The following MDC1 variants were observed in gnomAD, a reference collection of about 807,000 sequenced individuals.
The protein encoded by MDC1 is mediator of DNA damage checkpoint protein 1.
In MDC1, 81 loss-of-function variants were observed where a neutral mutation model predicts 142.5. That is an observed-to-expected ratio of 0.57 (90% CI 0.47 to 0.68). The LOEUF (loss-of-function observed/expected upper bound fraction) is 0.68. MDC1 is among the 30% of genes least tolerant of loss of function. MDC1 has a pLI of 0.00. For synonymous variants in MDC1, 797 were observed against 968.4 expected (o/e 0.82, Z 3.29); for missense variants, 2,119 against 2,547.9 (o/e 0.83, Z 3.62).
chr6:30,705,299 G>A lies in MDC1; in HGVS notation c.3884C>T (p.Thr1295Ile). Reference sequence around the variant, plus strand: ...GGGGGTGACAGGTCGGTCTGTGGAGGTGGAAGGCCGGAGCTCAGGGGCTGT... The same window carrying A: ...GGGGGTGACAGGTCGGTCTGTGGAGATGGAAGGCCGGAGCTCAGGGGCTGT... ...VPTAPELRPS[T>I]STDRPVTPKP... Residue 1295 changes from threonine (T) to isoleucine (I), a missense_variant, in exon 10 of 15, where the codon ACC becomes ATC. Coordinates refer to ENST00000376406, the MANE Select transcript of MDC1 (RefSeq NM_014641.3). 3.1e-6 allele frequency: 5 copies of A among 1,603,418 alleles called. No individual in the cohort carries two copies. Among genetic ancestry groups the A allele is most frequent in the Non-Finnish European group, 4.3e-6 (5 of 1,175,654 alleles).
rs61748586 is a variant in MDC1 at position 30,712,944 on chromosome 6, G to T, written c.998C>A (p.Ala333Glu). The T allele has an allele frequency of 1.4e-5, 22 of 1,612,834 alleles. No homozygotes were observed. Among genetic ancestry groups the T allele is most frequent in the East Asian group, 1.3e-4 (6 of 44,888 alleles). ...PFGFIDSDTD[A>E]EEERIPATPV... ...GGTTGCTGGGATCCTCTCTTCTTCC[G>T]CATCAGTGTCGCTGTCGATGAAGCC... Residue 333 changes from alanine (A) to glutamate (E), a missense_variant, in exon 5 of 15, where the codon GCG becomes GAG. Transcript: ENST00000376406. This position sits in a 1 kb window ranked among gnomAD's most constrained non-coding sequence, Gnocchi z 4.7.
At chr6:30,708,399 G>C in intron 7 of MDC1, 42 bp from the exon 8 acceptor site, 1 of 1,520,912 alleles carries the variant, frequency 6.6e-7, no homozygotes, top group Non-Finnish European at 9.0e-7. Flanking sequence ...GAGAGGGAGA[G>C]AAAAGAGGGA....
chr6:30,700,194 TAAG>T lies in MDC1; in HGVS notation c.*268_*270del, dbSNP rs1477146069. On this transcript the variant is annotated 3_prime_UTR_variant, in exon 15 of 15. Transcript: ENST00000376406. ...AAAATGGCCATTTAATACATGCATG[TAAG>T]AAATCTTGTATCCCCTAAATCTATA... The T allele has an allele frequency of 1.2e-5, 4 of 345,354 alleles. No individual in the cohort carries two copies. Among genetic ancestry groups the T allele is most frequent in the Non-Finnish European group, 2.1e-5 (4 of 193,418 alleles). 21.4% of individuals were successfully genotyped at this position (345,354 alleles called of 1,614,324 possible).
Position 30,704,941 on chromosome 6 carries a change from G to A in MDC1, c.4242C>T (p.Leu1414=), listed in dbSNP as rs74590481. The part of the protein sequence containing the change: ...PETLVPTAPK[L]EPSTSTDQPV... ...GTTGGTCTGTGGAAGTGGAAGGCTC[G>A]AGCTTAGGGGCTGTGGGGACAAGTG... The change falls in exon 10 of 15, where the codon CTC becomes CTT. Residue 1414 remains leucine, a synonymous_variant. Transcript: ENST00000376406. 12,576 of 1,605,732 alleles carry A rather than the reference G, an allele frequency of 7.8e-3. 292 individuals carry two copies. The highest frequency in any genetic ancestry group is 0.073 in the East Asian group (3,233 of 44,558).
At chr6:30,702,496 G>C in intron 14 of MDC1, 57 bp downstream of exon 14, 1 of 1,350,208 alleles carries the variant, frequency 7.4e-7, no homozygotes, top group Non-Finnish European at 1.0e-6. Context: ...TGCCATTCCA[G>C]CCACCTCTTT....
chr6:30,707,496 G>T (rs369113103), intron 8 of MDC1, 42 bp from the exon 9 acceptor site: 3 of 1,612,862 alleles, frequency 1.9e-6, no homozygotes, highest in Non-Finnish European at 2.5e-6. Flanking sequence ...GTTCCAAGCA[G>T]CTGGTTGCCC....
chr6:30,709,162 G>A lies in MDC1; in HGVS notation c.2222-805C>T, dbSNP rs537982233. On this transcript the variant is annotated intron_variant, in intron 7 of 14. Coordinates refer to ENST00000376406, the MANE Select transcript of MDC1 (RefSeq NM_014641.3). This position sits in a 1 kb window ranked among gnomAD's most constrained non-coding sequence, Gnocchi z 4.2. ...AGATCCTCCCACCTCAGCCTCCCAA[G>A]TAGCTGGGACTACGGCATGTGCCAA... Among the ~76,000 whole-genome samples, 9 of 152,332 alleles carry A rather than the reference G, an allele frequency of 5.9e-5. No homozygotes were observed. Among genetic ancestry groups the A allele is most frequent in the Non-Finnish European group, 7.3e-5 (5 of 68,032 alleles).
Position 30,713,682 on chromosome 6 carries a change from T to C in MDC1, c.553A>G (p.Arg185Gly). The C allele has an allele frequency of 6.2e-7, 1 of 1,614,238 alleles. No homozygotes were observed. The highest frequency in any genetic ancestry group is 1.1e-5 in the South Asian group (1 of 91,080). The part of the protein sequence containing the change: ...LSERRMVKKS[R>G]TTSSSVIVPE... ...ACTATCACAGAGGAAGATGTGGTCC[T>C]TGATTTTTTTACCATACGCCTTTCA... The change falls in exon 4 of 15, where the codon AGG becomes GGG. Residue 185 changes from arginine to glycine, a missense_variant. Transcript: ENST00000376406. The surrounding 1 kb of genome is among the most constrained non-coding windows in gnomAD (Gnocchi z 4.9).
At position 30,712,692 on chromosome 6, in the gene MDC1, G is replaced by A. The variant is rs771893736; in HGVS notation, c.1250C>T (p.Ala417Val). The change falls in exon 5 of 15, where the codon GCA becomes GTA. Residue 417 changes from alanine to valine, a missense_variant. Physicochemically the swap from Ala to Val is moderately conservative, Grantham distance 64. Transcript: ENST00000376406. The surrounding 1 kb of genome is among the most constrained non-coding windows in gnomAD (Gnocchi z 4.7). ...AGCAGGCTGGCTCTCTTTCAGATGTGCCAAAGTCAGCGCTGCTGAGACTTC... is the reference window on the plus strand; with the variant it reads ...AGCAGGCTGGCTCTCTTTCAGATGTACCAAAGTCAGCGCTGCTGAGACTTC... ...EEEVSAALTL[A>V]HLKESQPAIW... 1.2e-6 allele frequency: 2 copies of A among 1,612,984 alleles called. No homozygotes were observed. The highest frequency in any genetic ancestry group is 1.7e-6 in the Non-Finnish European group (2 of 1,180,004).
Position 30,705,923 on chromosome 6 carries a change from T to C in MDC1, c.3260A>G (p.Gln1087Arg). The C allele has an allele frequency of 1.2e-6, 2 of 1,613,856 alleles. No individual in the cohort carries two copies. Among genetic ancestry groups the C allele is most frequent in the Non-Finnish European group, 1.7e-6 (2 of 1,179,890 alleles). ...TVRKTRQDGSQEAPEAPLSSE... is the reference protein window; with the variant it reads ...TVRKTRQDGSREAPEAPLSSE... ...GGACAAGGGAGCCTCTGGAGCTTCCTGACTCCCATCTTGCCTGGTCTTACG... is the reference window on the plus strand; with the variant it reads ...GGACAAGGGAGCCTCTGGAGCTTCCCGACTCCCATCTTGCCTGGTCTTACG... The change falls in exon 10 of 15, where the codon CAG becomes CGG. Residue 1087 changes from glutamine to arginine, a missense_variant. Coordinates refer to ENST00000376406, the MANE Select transcript of MDC1 (RefSeq NM_014641.3).
rs767533594 is a variant in MDC1, at chr6:30,703,891, A to C, written c.5292T>G (p.Ala1764=). 1 of 1,614,152 alleles carries C rather than the reference A, an allele frequency of 6.2e-7. No individual in the cohort carries two copies. The highest frequency in any genetic ancestry group is 8.5e-7 in the Non-Finnish European group (1 of 1,180,032). The change falls in exon 10 of 15, where the codon GCT becomes GCG. Residue 1764 remains alanine, a synonymous_variant. Coordinates refer to ENST00000376406, the MANE Select transcript of MDC1 (RefSeq NM_014641.3). This position sits in a 1 kb window ranked among gnomAD's most constrained non-coding sequence, Gnocchi z 4.4. ...GCTCAGGAATGGCTGTAAGGGATTC[A>C]GCTGCTCTCACTGCTCCCCATCTTT... is the stretch of plus-strand genomic sequence containing the variant. The part of the protein sequence containing the change: ...RNQRWGAVRA[A]ESLTAIPEPA...
chr6:30,705,635 G>A lies in MDC1; in HGVS notation c.3548C>T (p.Thr1183Ile). ...TTTTCTTCCCCTAGTAACCTGAGAT[G>A]TGGGCTCAGAGGTGACAGGCTGGTC... ...STDQPVTSEP[T>I]SQVTRGRKSR... Residue 1183 changes from threonine (T) to isoleucine (I), a missense_variant, in exon 10 of 15, where the codon ACA (threonine) becomes ATA (isoleucine). By Grantham distance (89) the Thr-to-Ile change is moderately conservative. Coordinates refer to ENST00000376406, the MANE Select transcript of MDC1 (RefSeq NM_014641.3). 8 of 1,605,002 alleles carry A rather than the reference G, an allele frequency of 5.0e-6. No homozygotes were observed. Among genetic ancestry groups the A allele is most frequent in the Non-Finnish European group, 6.8e-6 (8 of 1,175,902 alleles).
At chr6:30,706,406 G>T (rs9501483) in intron 9 of MDC1, among the ~76,000 whole-genome samples, 7,324 of 151,992 alleles carry the variant, frequency 0.048, 351 homozygotes, top group African/African-American at 0.12. Flanking sequence ...TGGATCACAA[G>T]GTCAGGAAAC....
In MDC1 at chr6:30,699,959, G is replaced by C. The variant is rs1772369659; in HGVS notation, c.*506C>G. 4.4e-6 allele frequency: 1 copy of C among 226,218 alleles called. No homozygotes were observed. Among genetic ancestry groups the C allele is most frequent in the South Asian group, 1.8e-4 (1 of 5,478 alleles). 14.0% of individuals were successfully genotyped at this position (226,218 alleles called of 1,614,324 possible). Reference sequence around the variant, plus strand: ...GGCCAGGAGAGAAGAAAATGTTTTAGTAGCACTCCATAACTGGACCCTCAA... The same window carrying C: ...GGCCAGGAGAGAAGAAAATGTTTTACTAGCACTCCATAACTGGACCCTCAA... On this transcript the variant is annotated 3_prime_UTR_variant, in exon 15 of 15. Transcript: ENST00000376406.
At position 30,700,636 on chromosome 6, in the gene MDC1, G is replaced by C. The variant is rs779205557; in HGVS notation, c.6103-4C>G. ...ATGTGATCACAACTCTCTGAGGCTG[G>C]GGAAGACAGAGCAAAGGCAAAATCA... On this transcript the variant is annotated splice_polypyrimidine_tract_variant and splice_region_variant and intron_variant, in intron 14 of 14. Coordinates refer to ENST00000376406, the MANE Select transcript of MDC1 (RefSeq NM_014641.3). 1 of 1,612,628 alleles carries C rather than the reference G, an allele frequency of 6.2e-7. No homozygotes were observed. The highest frequency in any genetic ancestry group is 1.1e-5 in the South Asian group (1 of 91,066).
intron 14 of MDC1, among the ~76,000 whole-genome samples, chr6:30,701,084 A>G (rs1336231365): frequency 7.0e-6 from 1 of 143,882 alleles, no homozygotes; most frequent in Non-Finnish European, 1.5e-5. Context: ...CAAAAGAAAA[A>G]AAAAAAGAAA....
At position 30,704,331 on chromosome 6, in the gene MDC1, C is replaced by T. The variant is rs1310547294; in HGVS notation, c.4852G>A (p.Glu1618Lys). 2 of 1,613,334 alleles carry T rather than the reference C, an allele frequency of 1.2e-6. No individual in the cohort carries two copies. Among genetic ancestry groups the T allele is most frequent in the African/African-American group, 1.3e-5 (1 of 74,774 alleles). Residue 1618 changes from glutamate (E) to lysine (K), a missense_variant, in exon 10 of 15, where the codon GAG becomes AAG. By Grantham distance (56) the Glu-to-Lys change is moderately conservative (BLOSUM62 1). Transcript: ENST00000376406. ...TCTGTGGAGGTGGTAGGATGGGGCTCAGGGGCTGTGGGGACAACTGGCTCA... is the reference window on the plus strand; with the variant it reads ...TCTGTGGAGGTGGTAGGATGGGGCTTAGGGGCTGTGGGGACAACTGGCTCA... ...TPEPVVPTAP[E>K]PHPTTSTDQP...
At position 30,713,840 on chromosome 6, in the gene MDC1, CT is replaced by C. The variant is rs1411656378; in HGVS notation, c.479del (p.Gln160ArgfsTer13). On this transcript the variant is annotated frameshift_variant, in exon 3 of 15. Coordinates refer to ENST00000376406, the MANE Select transcript of MDC1 (RefSeq NM_014641.3). LOFTEE classifies it high-confidence loss of function. This position sits in a 1 kb window ranked among gnomAD's most constrained non-coding sequence, Gnocchi z 4.9. ...CCGAGTCCTCAGCCAACAGAAGCCT[CT>C]GGGGTTGAGTTTCTCCCTGTACTCT... is the stretch of plus-strand genomic sequence containing the variant. The part of the protein sequence containing the change: ...TPRVQGETQP[Q>X]RLLLAEDSEE... 6.2e-7 allele frequency: 1 copy of C among 1,614,180 alleles called. No homozygotes were observed. Among genetic ancestry groups the C allele is most frequent in the East Asian group, 2.2e-5 (1 of 44,892 alleles).
rs756563739 is a variant in MDC1 at position 30,712,200 on chromosome 6, G to A, written c.1742C>T (p.Ala581Val). Residue 581 changes from alanine to valine, a missense_variant, in exon 5 of 15, where the codon GCA becomes GTA. Physicochemically the swap from Ala to Val is moderately conservative, Grantham distance 64. Coordinates refer to ENST00000376406, the MANE Select transcript of MDC1 (RefSeq NM_014641.3). This position sits in a 1 kb window ranked among gnomAD's most constrained non-coding sequence, Gnocchi z 4.7. ...WPLHGDCETD[A>V]EEGTSLTASV... ...GGCTGTTAGGGAGGTGCCCTCCTCT[G>A]CATCTGTTTCACAGTCCCCATGCAG... The A allele has an allele frequency of 6.2e-7, 1 of 1,612,868 alleles. No homozygotes were observed. Among genetic ancestry groups the A allele is most frequent in the Admixed American group, 1.7e-5 (1 of 60,018 alleles).
Sources: gnomAD v4.1 joint callset for allele counts (sites outside exome capture counted in the v4.1 genomes callset) on GRCh38, gnomAD v4.1.1 for gene constraint, Gnocchi (gnomAD v3.1) non-coding constraint, MANE v1.5 for transcripts, NCBI Gene and HGNC (gene_info 2026-07-23, HGNC 2026-07-21) for gene names.